LDLRAD4: variants seen among roughly 807,000 people sequenced by gnomAD.
LDLRAD4 encodes low density lipoprotein receptor class A domain containing 4.
Under a neutral mutation model 17.0 loss-of-function variants are expected in LDLRAD4, and 5 were observed. The ratio of observed to expected loss-of-function variants is 0.29; its 90% confidence interval spans 0.15 to 0.62. LDLRAD4 has a LOEUF of 0.62. Among genes scored for constraint, LDLRAD4 ranks in the 20% least tolerant of loss-of-function variants. The pLI is 0.84. For synonymous variants in LDLRAD4, 168 were observed against 171.8 expected (o/e 0.98, Z 0.17); for missense variants, 340 against 424.7 (o/e 0.80, Z 1.75).
chr18:13,507,661 A>G (rs1235795490), intron 3 of LDLRAD4, among the ~76,000 whole-genome samples: 2 of 152,136 alleles, frequency 1.3e-5, no homozygotes, highest in African/African-American at 4.8e-5. Context: ...TGATGTTACT[A>G]TTGTAGTTGT....
chr18:13,480,247 T>A (rs2093050415), intron 3 of LDLRAD4, among the ~76,000 whole-genome samples: 1 of 152,206 alleles, frequency 6.6e-6, no homozygotes, highest in South Asian at 2.1e-4. Flanking sequence ...GAAATGTGCT[T>A]TTTCTTTTCA....
At chr18:13,381,845 G>A (rs2085391898) in intron 1 of LDLRAD4, among the ~76,000 whole-genome samples, 1 of 152,252 alleles carries the variant, frequency 6.6e-6, no homozygotes, top group South Asian at 2.1e-4. Flanking sequence ...GCATAGGTGA[G>A]CTGTGCCGTG....
chr18:13,594,258 C>A (rs140466556), intron 3 of LDLRAD4, among the ~76,000 whole-genome samples: 1 of 152,110 alleles, frequency 6.6e-6, no homozygotes, highest in African/African-American at 2.4e-5. Flanking sequence ...CTTTTCCCTC[C>A]GTTGGTCTGT....
chr18:13,369,334 G>A (rs150940195), intron 1 of LDLRAD4, among the ~76,000 whole-genome samples: 6 of 152,334 alleles, frequency 3.9e-5, no homozygotes, highest in Middle Eastern at 3.4e-3. Flanking sequence ...AGACAGAAAA[G>A]GGAAAAATAT....
At chr18:13,271,547 C>G (rs557860966) in intron 1 of LDLRAD4, among the ~76,000 whole-genome samples, 1 of 152,200 alleles carries the variant, frequency 6.6e-6, no homozygotes, top group Non-Finnish European at 1.5e-5. Flanking sequence ...CAGTGTTCTT[C>G]CCCTTGTGAT....
chr18:13,546,217 A>G (rs2094359913), intron 3 of LDLRAD4, among the ~76,000 whole-genome samples: 1 of 152,118 alleles, frequency 6.6e-6, no homozygotes, highest in Admixed American at 6.5e-5. Flanking sequence ...GTCACTCATC[A>G]AGTGGAAGGT....
chr18:13,218,456 A>T (rs916408172), upstream of LDLRAD4, among the ~76,000 whole-genome samples: 5 of 151,862 alleles, frequency 3.3e-5, no homozygotes, highest in Admixed American at 2.6e-4. Context: ...CCCGGAGGCC[A>T]GGATGGGCGC....
chr18:13,235,299 T>C (rs553581794), intron 1 of LDLRAD4, among the ~76,000 whole-genome samples: 8 of 152,302 alleles, frequency 5.3e-5, no homozygotes, highest in African/African-American at 1.9e-4. Flanking sequence ...AAATTCATCA[T>C]ATGTAGATGC....
At chr18:13,381,020 T>G (rs576351014) in intron 1 of LDLRAD4, among the ~76,000 whole-genome samples, 6 of 152,272 alleles carry the variant, frequency 3.9e-5, no homozygotes, top group Non-Finnish European at 5.9e-5. Flanking sequence ...AGATTTGCAT[T>G]TCCATGTGGA....
chr18:13,635,283 G>A (rs771799926), intron 4 of LDLRAD4, among the ~76,000 whole-genome samples: 3 of 152,308 alleles, frequency 2.0e-5, no homozygotes, highest in Non-Finnish European at 4.4e-5. Context: ...ACCTTCTCTT[G>A]TGGAAAGAGC....
At chr18:13,650,104 G>C in exon 6 of LDLRAD4, 1 of 398,728 alleles carries the variant, frequency 2.5e-6, no homozygotes, top group Non-Finnish European at 4.4e-6. Flanking sequence ...TCACAGAGAT[G>C]TGAACAGACA....
At position 13,236,840 on chromosome 18, in the gene LDLRAD4, AT is replaced by A. The variant is rs1170928234; in HGVS notation, c.-467+17854del. ...CATCTTCCTCTGAGGTTACGTTTTA[AT>A]TCCCCTTTGCTTTGTCCCTGGAACT... On this transcript the variant is annotated intron_variant, in intron 1 of 5. Transcript: ENST00000399848. Among the ~76,000 whole-genome samples, 7 of 152,164 alleles carry A rather than the reference AT, an allele frequency of 4.6e-5. No individual in the cohort carries two copies. The East Asian group carries it at 1.4e-3, about 29-fold the overall frequency.
intron 1 of LDLRAD4, among the ~76,000 whole-genome samples, chr18:13,280,846 C>G (rs556346155): frequency 1.1e-4 from 16 of 152,240 alleles, no homozygotes; most frequent in African/African-American, 3.6e-4. Flanking sequence ...ACCAGTGGTC[C>G]CTGTGGGGAG....
Position 13,226,200 on chromosome 18 carries a change from T to TTTTTTTTTTTTTTTTTTG in LDLRAD4, c.-467+7213_-467+7214insTTTTTTTTTTTTTTTTGT, listed in dbSNP as rs1399999238. ...CCTTGCTTTTTTTTTTTTTTTTTTT[T>TTTTTTTTTTTTTTTTTTG]TGTAGAGACCGGGTTTCGCCATGTT... On this transcript the variant is annotated intron_variant, in intron 1 of 5. Transcript: ENST00000399848. Among the ~76,000 whole-genome samples, 23 of 143,282 alleles carry TTTTTTTTTTTTTTTTTTG rather than the reference T, an allele frequency of 1.6e-4. 1 individual carries two copies. The highest frequency in any genetic ancestry group is 2.7e-4 in the Non-Finnish European group (18 of 65,896). 94.0% of individuals were successfully genotyped at this position (143,282 alleles called of 152,430 possible).
At chr18:13,401,695 C>T (rs921372582) in intron 2 of LDLRAD4, among the ~76,000 whole-genome samples, 2 of 152,222 alleles carry the variant, frequency 1.3e-5, no homozygotes, top group African/African-American at 4.8e-5. Flanking sequence ...CCCCCAGATG[C>T]AGGCTGCAGC....
intron 2 of LDLRAD4, among the ~76,000 whole-genome samples, chr18:13,402,005 G>T (rs917788012): frequency 3.9e-5 from 6 of 152,226 alleles, no homozygotes; most frequent in Admixed American, 1.3e-4. Flanking sequence ...ACAGCGCAGA[G>T]AATCAGTGGT....
intron 1 of LDLRAD4, among the ~76,000 whole-genome samples, chr18:13,337,283 A>G (rs1442402357): frequency 6.6e-6 from 1 of 152,152 alleles, no homozygotes; most frequent in Non-Finnish European, 1.5e-5. Flanking sequence ...TTCACCTTCA[A>G]GCATGCTTTT....
At chr18:13,388,343 G>A (rs2085986431) in intron 2 of LDLRAD4, among the ~76,000 whole-genome samples, 1 of 152,174 alleles carries the variant, frequency 6.6e-6, no homozygotes, top group Admixed American at 6.5e-5. Context: ...AGACACAGGA[G>A]ATTTTGAATT....
intron 3 of LDLRAD4, among the ~76,000 whole-genome samples, chr18:13,591,382 C>T (rs2148543889): frequency 6.6e-6 from 1 of 151,640 alleles, no homozygotes; most frequent in East Asian, 1.9e-4. Flanking sequence ...TCAGCTGCAA[C>T]ATGAAGGGAT....
Sources: gnomAD v4.1 joint callset for allele counts (sites outside exome capture counted in the v4.1 genomes callset) on GRCh38, gnomAD v4.1.1 for gene constraint, MANE v1.5 for transcripts, NCBI Gene and HGNC (gene_info 2026-07-23, HGNC 2026-07-21) for gene names.